The following CRYL1 variants were observed in gnomAD, a reference collection of about 807,000 sequenced individuals.
The protein encoded by CRYL1 is lambda-crystallin homolog.
CRYL1 carries 29 observed loss-of-function variants against 36.6 expected under a neutral mutation model. The observed-to-expected ratio is 0.79, with a 90% CI of 0.59 to 1.08. The LOEUF (loss-of-function observed/expected upper bound fraction) is 1.08, where lower values mean the gene tolerates loss of function less well. CRYL1 is among the 50% of genes least tolerant of loss of function. The pLI is 0.00. For synonymous variants in CRYL1, 152 were observed against 151.5 expected (o/e 1.00, Z -0.02); for missense variants, 411 against 407.9 (o/e 1.01, Z -0.06).
chr13:20,462,783 CG>C (rs1434535970), intron 3 of CRYL1, among the ~76,000 whole-genome samples: 1 of 151,674 alleles, frequency 6.6e-6, no homozygotes, highest in African/African-American at 2.4e-5. Flanking sequence ...CCTGCAGGAA[CG>C]GTACCATCCC....
intron 2 of CRYL1, among the ~76,000 whole-genome samples, chr13:20,500,910 G>T (rs1282250415): frequency 6.6e-6 from 1 of 151,798 alleles, no homozygotes; most frequent in Non-Finnish European, 1.5e-5. Flanking sequence ...ATTACTTCAG[G>T]CATCTCAAAA....
rs193038617 is a variant in CRYL1 at position 20,494,456 on chromosome 13, T to C, written c.150-4960A>G. Among the ~76,000 whole-genome samples, 126 of 152,294 alleles carry C rather than the reference T, an allele frequency of 8.3e-4. 1 individual carries two copies. Among genetic ancestry groups the C allele is most frequent in the Non-Finnish European group, 1.4e-3 (95 of 68,024 alleles). On this transcript the variant is annotated intron_variant, in intron 2 of 7. Transcript: ENST00000298248. ...AACCTAAATGAATCTCTTAGCGCCATCATCCCAGCCTCACCCAACCATCTT... is the reference window on the plus strand; with the variant it reads ...AACCTAAATGAATCTCTTAGCGCCACCATCCCAGCCTCACCCAACCATCTT...
intron 2 of CRYL1, among the ~76,000 whole-genome samples, chr13:20,507,717 G>T (rs961300358): frequency 1.9e-4 from 29 of 151,936 alleles, no homozygotes; most frequent in Admixed American, 1.4e-3. Flanking sequence ...AGGAGATCGA[G>T]ACCATCCTGG....
At chr13:20,486,943 T>TC (rs984413188) in intron 3 of CRYL1, among the ~76,000 whole-genome samples, 5 of 152,042 alleles carry the variant, frequency 3.3e-5, no homozygotes, top group African/African-American at 1.2e-4. Context: ...ATTCACATAT[T>TC]CCCCCCAAAT....
At chr13:20,410,741 G>C (rs1007435573) in intron 6 of CRYL1, among the ~76,000 whole-genome samples, 3 of 152,188 alleles carry the variant, frequency 2.0e-5, no homozygotes, top group African/African-American at 7.2e-5. Flanking sequence ...CCAGCTAAGA[G>C]CTTCCATCTG....
At chr13:20,522,008 C>A (rs2034105858) in intron 1 of CRYL1, among the ~76,000 whole-genome samples, 2 of 152,086 alleles carry the variant, frequency 1.3e-5, no homozygotes, top group South Asian at 4.1e-4. Context: ...CAGGAAAATA[C>A]CTAGAATAGC....
intron 3 of CRYL1, among the ~76,000 whole-genome samples, chr13:20,444,439 ATTG>A (rs144029534): frequency 0.017 from 2,512 of 152,234 alleles, 56 homozygotes; most frequent in African/African-American, 0.056. Context: ...TACAAGGATT[ATTG>A]TTGTTTGCTT....
chr13:20,462,936 G>T (rs749644455), intron 3 of CRYL1, among the ~76,000 whole-genome samples: 1 of 152,116 alleles, frequency 6.6e-6, no homozygotes. Context: ...TACCTGGTAC[G>T]CAGCAAGCAC....
At chr13:20,487,245 T>C (rs902608716) in intron 3 of CRYL1, among the ~76,000 whole-genome samples, 22 of 132,036 alleles carry the variant, frequency 1.7e-4, no homozygotes, top group African/African-American at 6.8e-4. Context: ...AAAGATTCTT[T>C]AAAAGAAAAA....
chr13:20,521,896 A>G (rs1002064201), intron 1 of CRYL1, among the ~76,000 whole-genome samples: 1 of 152,194 alleles, frequency 6.6e-6, no homozygotes, highest in Non-Finnish European at 1.5e-5. Context: ...TGCCAGAAAG[A>G]GCTATTAAGT....
intron 1 of CRYL1, among the ~76,000 whole-genome samples, chr13:20,515,307 A>G (rs183862447): frequency 9.1e-4 from 138 of 152,344 alleles, no homozygotes; most frequent in African/African-American, 3.1e-3. Context: ...TGAATTGTAC[A>G]CTTTAAATGG....
At chr13:20,472,156 C>T (rs190018238) in intron 3 of CRYL1, among the ~76,000 whole-genome samples, 16 of 152,218 alleles carry the variant, frequency 1.1e-4, no homozygotes, top group East Asian at 5.8e-4. Context: ...CCACCACATC[C>T]GGCCCAAGTC....
At chr13:20,477,323 G>A (rs2033186566) in intron 3 of CRYL1, among the ~76,000 whole-genome samples, 1 of 152,060 alleles carries the variant, frequency 6.6e-6, no homozygotes, top group Admixed American at 6.6e-5. Flanking sequence ...GCAAGACCTT[G>A]ACTCTAAAAA....
At chr13:20,436,404 T>C (rs1370871201) in intron 4 of CRYL1, among the ~76,000 whole-genome samples, 1 of 152,232 alleles carries the variant, frequency 6.6e-6, no homozygotes, top group Non-Finnish European at 1.5e-5. Flanking sequence ...GGACTGAGAC[T>C]GCAGTGCAAC....
intron 5 of CRYL1, chr13:20,427,356 C>G: frequency 1.0e-6 from 1 of 980,168 alleles, no homozygotes; most frequent in Non-Finnish European, 1.2e-6. Context: ...CACAATAGAC[C>G]TGGCTCCTTC....
rs778380700 is a variant in CRYL1, at chr13:20,512,478, C to T, written c.114G>A (p.Glu38=). 1 of 1,613,976 alleles carries T rather than the reference C, an allele frequency of 6.2e-7. No individual in the cohort carries two copies. Among genetic ancestry groups the T allele is most frequent in the African/African-American group, 1.3e-5 (1 of 74,918 alleles). Residue 38 remains glutamate, a synonymous_variant, in exon 2 of 8, where the codon GAG becomes GAA. Transcript: ENST00000298248. ...CCAGGGCGTTCCTTATCTGCTGTTG[C>T]TCAATGTCATAGAGTTTCACCTGGA... is the stretch of plus-strand genomic sequence containing the variant. ...GGFQVKLYDI[E]QQQIRNALEN...
intron 2 of CRYL1, among the ~76,000 whole-genome samples, chr13:20,499,737 A>G (rs2033672719): frequency 6.6e-6 from 1 of 152,152 alleles, no homozygotes; most frequent in South Asian, 2.1e-4. Context: ...ATGTGTTGTC[A>G]ATGTGTTCCA....
intron 2 of CRYL1, among the ~76,000 whole-genome samples, chr13:20,510,655 C>T (rs2033897989): frequency 6.8e-6 from 1 of 146,128 alleles, no homozygotes; most frequent in African/African-American, 2.5e-5. Flanking sequence ...CTCTGTAGCC[C>T]AAGCTGGAGT....
At chr13:20,475,323 T>A (rs201929753) in intron 3 of CRYL1, among the ~76,000 whole-genome samples, 1 of 152,172 alleles carries the variant, frequency 6.6e-6, no homozygotes, top group Non-Finnish European at 1.5e-5. Context: ...GATTCCACCT[T>A]TGGGCTCTGG....
Sources: gnomAD v4.1 joint callset for allele counts (sites outside exome capture counted in the v4.1 genomes callset) on GRCh38, gnomAD v4.1.1 for gene constraint, MANE v1.5 for transcripts, NCBI Gene and HGNC (gene_info 2026-07-23, HGNC 2026-07-21) for gene names.